Variants in NMNAT1 observed in about 807,000 individuals in gnomAD.
NMNAT1 encodes the protein nicotinamide nucleotide adenylyltransferase 1.
NMNAT1 carries 11 observed loss-of-function variants against 16.7 expected under a neutral mutation model. That is an observed-to-expected ratio of 0.66 (90% confidence interval 0.41 to 1.09). The LOEUF (loss-of-function observed/expected upper bound fraction) is 1.09. Among genes scored for constraint, NMNAT1 ranks in the 50% least tolerant of loss-of-function variants. The probability of loss-of-function intolerance (pLI) is 0.00; values close to 1 mark genes in which losing one functional copy is unlikely to be tolerated. For synonymous variants in NMNAT1, 110 were observed against 119.8 expected (o/e 0.92, Z 0.53); for missense variants, 280 against 332.3 (o/e 0.84, Z 1.22).
At chr1:9,961,490 A>C (rs905473509) in intron 1 of NMNAT1, among the ~76,000 whole-genome samples, 1 of 152,080 alleles carries the variant, frequency 6.6e-6, no homozygotes, top group Non-Finnish European at 1.5e-5. Context: ...TACTATGGGC[A>C]TGTCGCATTC....
chr1:9,955,192 C>A (rs1336963361), intron 1 of NMNAT1, among the ~76,000 whole-genome samples: 1 of 152,000 alleles, frequency 6.6e-6, no homozygotes, highest in Non-Finnish European at 1.5e-5. Context: ...CACCTGAGGT[C>A]AGGAGTTTGA....
chr1:9,957,217 C>T (rs144941655), intron 1 of NMNAT1, among the ~76,000 whole-genome samples: 2,414 of 152,038 alleles, frequency 0.016, 56 homozygotes, highest in African/African-American at 0.053. Context: ...TTAGTACAGA[C>T]AGGGTTTCTC....
At chr1:9,980,156 T>C (rs1641909094) in intron 3 of NMNAT1, among the ~76,000 whole-genome samples, 3 of 151,774 alleles carry the variant, frequency 2.0e-5, no homozygotes, top group Admixed American at 6.6e-5. Flanking sequence ...TGTCTCGAAC[T>C]CCTGACCTCA....
intron 1 of NMNAT1, chr1:9,952,333 A>G (rs1025362120): frequency 4.6e-5 from 7 of 151,924 alleles, no homozygotes; most frequent in African/African-American, 1.5e-4. Context: ...TTGTTTAAAA[A>G]CATACACAGT....
intron 2 of NMNAT1, among the ~76,000 whole-genome samples, chr1:9,975,219 G>A (rs1641778568): frequency 6.6e-6 from 1 of 152,120 alleles, no homozygotes; most frequent in Non-Finnish European, 1.5e-5. Context: ...AAACAATATT[G>A]GCCAGGTGTG....
downstream of NMNAT1, among the ~76,000 whole-genome samples, chr1:9,989,742 T>C (rs1246079468): frequency 6.6e-6 from 1 of 152,222 alleles, no homozygotes; most frequent in East Asian, 1.9e-4. Context: ...TCCTGGACAC[T>C]GGACAAGAAC....
intron 3 of NMNAT1, among the ~76,000 whole-genome samples, chr1:9,977,481 G>A (rs1004693687): frequency 2.6e-5 from 4 of 152,108 alleles, no homozygotes; most frequent in African/African-American, 9.7e-5. Context: ...TCCAGTGACT[G>A]ACTGTATCAT....
chr1:9,983,712 T>C lies in NMNAT1; in HGVS notation c.*1011T>C, dbSNP rs936528673. On this transcript the variant is annotated 3_prime_UTR_variant, in exon 5 of 5. Coordinates refer to ENST00000377205, the MANE Select transcript of NMNAT1 (RefSeq NM_022787.4). ...TTTCAGGATCCATCTGCCAAGTTAGTGAAAGGCTGGAGCCTCAAATCATAC... is the reference window on the plus strand; with the variant it reads ...TTTCAGGATCCATCTGCCAAGTTAGCGAAAGGCTGGAGCCTCAAATCATAC... 6.6e-6 allele frequency: 1 copy of C among 151,524 alleles called. No homozygotes were observed. Among genetic ancestry groups the C allele is most frequent in the Non-Finnish European group, 1.5e-5 (1 of 67,986 alleles). The allele number at this position is 151,524 out of a possible 1,614,324, so 9.4% of individuals were successfully genotyped here.
At position 9,979,738 on chromosome 1, in the gene NMNAT1, G is replaced by C. The variant is rs1186754253; in HGVS notation, c.300-1293G>C. On this transcript the variant is annotated intron_variant, in intron 3 of 4. Coordinates refer to ENST00000377205, the MANE Select transcript of NMNAT1 (RefSeq NM_022787.4). Reference sequence around the variant, plus strand: ...AATGGCGTGAACCTAGGAGACGGAGGTTGCAGTGAGCTGAGATCGTGCCAC... The same window carrying C: ...AATGGCGTGAACCTAGGAGACGGAGCTTGCAGTGAGCTGAGATCGTGCCAC... Among the ~76,000 whole-genome samples, 10 of 150,608 alleles carry C rather than the reference G, an allele frequency of 6.6e-5. No individual in the cohort carries two copies. The South Asian group carries it at 1.7e-3, about 25-fold the overall frequency.
At chr1:9,949,359 T>C (rs945351277) in intron 1 of NMNAT1, among the ~76,000 whole-genome samples, 9 of 150,382 alleles carry the variant, frequency 6.0e-5, no homozygotes, top group African/African-American at 1.2e-4. Context: ...AAGATTGTTA[T>C]AATCTATAAG....
intron 1 of NMNAT1, among the ~76,000 whole-genome samples, chr1:9,968,102 C>T (rs1405514549): frequency 2.3e-5 from 1 of 44,174 alleles, no homozygotes; most frequent in African/African-American, 4.7e-5. Flanking sequence ...GATGGAGTCT[C>T]GCTCTGTTGC....
At chr1:9,979,757 G>A (rs1410910236) in intron 3 of NMNAT1, among the ~76,000 whole-genome samples, 2 of 149,608 alleles carry the variant, frequency 1.3e-5, no homozygotes, top group African/African-American at 2.5e-5. Context: ...AGCTGAGATC[G>A]TGCCACTGCA....
intron 1 of NMNAT1, among the ~76,000 whole-genome samples, chr1:9,951,594 C>T (rs2101643081): frequency 6.6e-6 from 1 of 152,268 alleles, no homozygotes; most frequent in Non-Finnish European, 1.5e-5. Flanking sequence ...CCTGCCTCAG[C>T]CTCCCAAGTA....
At chr1:9,960,535 C>G (rs1641378859) in intron 1 of NMNAT1, among the ~76,000 whole-genome samples, 1 of 152,070 alleles carries the variant, frequency 6.6e-6, no homozygotes, top group African/African-American at 2.4e-5. Context: ...AGTAACTACC[C>G]AGGCCAAAAC....
Position 9,984,057 on chromosome 1 carries a change from T to C in NMNAT1, c.*1356T>C, listed in dbSNP as rs1044254810. ...TAAGGGTACAATGATCCTATTGTTTTTTGTTTTTGAGATGGAGTCTCACTC... is the reference window on the plus strand; with the variant it reads ...TAAGGGTACAATGATCCTATTGTTTCTTGTTTTTGAGATGGAGTCTCACTC... On this transcript the variant is annotated 3_prime_UTR_variant, in exon 5 of 5. Coordinates refer to ENST00000377205, the MANE Select transcript of NMNAT1 (RefSeq NM_022787.4). 6.6e-6 allele frequency: 1 copy of C among 152,346 alleles called. No individual in the cohort carries two copies. Among genetic ancestry groups the C allele is most frequent in the East Asian group, 1.9e-4 (1 of 5,172 alleles). 9.4% of individuals were successfully genotyped at this position (152,346 alleles called of 1,614,324 possible).
At position 9,982,415 on chromosome 1, in the gene NMNAT1, G is replaced by A. The variant is rs773858787; in HGVS notation, c.554G>A (p.Cys185Tyr). 6.2e-7 allele frequency: 1 copy of A among 1,614,142 alleles called. No homozygotes were observed. Among genetic ancestry groups the A allele is most frequent in the Non-Finnish European group, 8.5e-7 (1 of 1,180,026 alleles). The change falls in exon 5 of 5, where the codon TGT becomes TAT. Residue 185 changes from cysteine (C) to tyrosine (Y), a missense_variant. Cys to Tyr is a radical substitution (Grantham distance 194). Transcript: ENST00000377205. ...ATCGTGGCCAACTATGGGCTCATAT[G>A]TGTTACTCGGGCTGGAAATGATGCT... ...TQIVANYGLI[C>Y]VTRAGNDAQK...
At chr1:9,947,520 C>T (rs1641007293) in intron 1 of NMNAT1, 1 of 152,304 alleles carries the variant, frequency 6.6e-6, no homozygotes, top group Non-Finnish European at 1.5e-5. Flanking sequence ...ATATAAGTAG[C>T]TGCGTTCCCC....
chr1:9,957,446 G>C lies in NMNAT1; in HGVS notation c.-57+13931G>C, dbSNP rs1055534134. 4.0e-5 allele frequency among the ~76,000 whole-genome samples: 6 copies of C among 151,396 alleles called. No homozygotes were observed. In the South Asian group the frequency reaches 1.0e-3, roughly 26 times the overall value. On this transcript the variant is annotated intron_variant, in intron 1 of 4. Coordinates refer to ENST00000377205, the MANE Select transcript of NMNAT1 (RefSeq NM_022787.4). ...AGCAATTCTCCTTCCTGAGCCTCCC[G>C]AGTAGCTGGATTACAGGCATGCGCC...
At chr1:9,977,568 G>T (rs1052601346) in intron 3 of NMNAT1, among the ~76,000 whole-genome samples, 3 of 151,862 alleles carry the variant, frequency 2.0e-5, no homozygotes, top group Non-Finnish European at 4.4e-5. Flanking sequence ...TAGGCAAAAA[G>T]TACTTAAAAG....
Sources: allele counts gnomAD v4.1 joint callset (sites outside exome capture counted in the v4.1 genomes callset), GRCh38; gene constraint gnomAD v4.1.1; transcripts MANE v1.5; gene names NCBI Gene and HGNC (gene_info 2026-07-23, HGNC 2026-07-21).